Variants in PTPRD observed in about 807,000 individuals in gnomAD.
PTPRD encodes protein tyrosine phosphatase receptor type D.
In PTPRD, 34 loss-of-function variants were observed where a neutral mutation model predicts 214.5. The ratio of observed to expected loss-of-function variants is 0.16; its 90% CI spans 0.12 to 0.21. PTPRD has a LOEUF of 0.21. Ranked by LOEUF, PTPRD falls within the 10% of genes least tolerant of loss-of-function variation. The pLI, the probability that PTPRD is intolerant of heterozygous loss-of-function variation, is 1.00. For synonymous variants in PTPRD, 1,128 were observed against 845.7 expected (o/e 1.33, Z -5.79); for missense variants, 2,545 against 2,398.7 (o/e 1.06, Z -1.27).
At chr9:9,754,514 C>A (rs1020976302) in intron 6 of PTPRD, among the ~76,000 whole-genome samples, 2 of 151,938 alleles carry the variant, frequency 1.3e-5, no homozygotes, top group Non-Finnish European at 2.9e-5. Flanking sequence ...GACGGCTTCA[C>A]AAGAATATTT....
intron 9 of PTPRD, among the ~76,000 whole-genome samples, chr9:9,372,797 G>T (rs1028095501): frequency 6.6e-6 from 1 of 151,876 alleles, no homozygotes; most frequent in Non-Finnish European, 1.5e-5. Flanking sequence ...AGCTCTTTTT[G>T]GGCAGGCCTG....
intron 5 of PTPRD, among the ~76,000 whole-genome samples, chr9:9,931,307 T>G (rs527970863): frequency 2.6e-5 from 4 of 152,192 alleles, no homozygotes; most frequent in Non-Finnish European, 5.9e-5. Context: ...CATTTCCATC[T>G]GAGGTACAGG....
At chr9:9,526,701 T>A in intron 8 of PTPRD, among the ~76,000 whole-genome samples, 1 of 152,124 alleles carries the variant, frequency 6.6e-6, no homozygotes, top group Non-Finnish European at 1.5e-5. Flanking sequence ...AATATGCTTC[T>A]AAGAAAGATA....
At chr9:9,740,541 TTAG>T (rs1271144228) in intron 6 of PTPRD, among the ~76,000 whole-genome samples, 1 of 152,148 alleles carries the variant, frequency 6.6e-6, no homozygotes, top group East Asian at 1.9e-4. Flanking sequence ...TTGTGTATTT[TTAG>T]TAGAGACGGG....
chr9:8,320,295 C>G (rs765513660), intron 44 of PTPRD, among the ~76,000 whole-genome samples: 1 of 152,162 alleles, frequency 6.6e-6, no homozygotes, highest in East Asian at 1.9e-4. Flanking sequence ...CATGGAGATT[C>G]TGAAATTTAC....
chr9:9,378,161 A>G lies in PTPRD; in HGVS notation c.-203+19288T>C, dbSNP rs566564099. ...TGGATGTATATTACAGAGTAGTTTC[A>G]CCACCCCAAAATCCTCTATGCCCCA... On this transcript the variant is annotated intron_variant, in intron 9 of 45. Transcript: ENST00000381196. 1.5e-3 allele frequency among the ~76,000 whole-genome samples: 231 copies of G among 152,162 alleles called. 1 individual carries two copies. The highest frequency in any genetic ancestry group is 5.2e-3 in the African/African-American group (214 of 41,534).
intron 10 of PTPRD, among the ~76,000 whole-genome samples, chr9:9,044,831 G>A (rs72694907): frequency 0.08 from 12,183 of 152,006 alleles, 595 homozygotes; most frequent in Non-Finnish European, 0.11. Flanking sequence ...AGGTATTTTT[G>A]AGCCTTGAGA....
At chr9:8,927,579 T>C (rs1449961847) in intron 11 of PTPRD, among the ~76,000 whole-genome samples, 1 of 152,188 alleles carries the variant, frequency 6.6e-6, no homozygotes, top group Non-Finnish European at 1.5e-5. Flanking sequence ...GGTGTATATA[T>C]GCCACATTTT....
intron 8 of PTPRD, among the ~76,000 whole-genome samples, chr9:9,420,676 C>A (rs1292408073): frequency 6.6e-6 from 1 of 151,782 alleles, no homozygotes; most frequent in East Asian, 1.9e-4. Flanking sequence ...TGACACTGAG[C>A]AAATAAAGTA....
intron 2 of PTPRD, among the ~76,000 whole-genome samples, chr9:10,548,278 T>C (rs1451604761): frequency 1.3e-5 from 2 of 152,178 alleles, no homozygotes; most frequent in Non-Finnish European, 2.9e-5. Flanking sequence ...TCTCTATATA[T>C]AAGTTGTTGC....
intron 4 of PTPRD, among the ~76,000 whole-genome samples, chr9:9,947,274 T>C (rs2092693319): frequency 8.6e-6 from 1 of 116,674 alleles, no homozygotes; most frequent in Admixed American, 1.3e-4. Flanking sequence ...TAGTTATACT[T>C]AACATGTGCT....
At chr9:9,987,104 G>A (rs1207391603) in intron 4 of PTPRD, among the ~76,000 whole-genome samples, 1 of 152,056 alleles carries the variant, frequency 6.6e-6, no homozygotes, top group Non-Finnish European at 1.5e-5. Flanking sequence ...CAATAATCAA[G>A]CAGAGATTAG....
chr9:10,340,486 T>C (rs1031074605), intron 3 of PTPRD, among the ~76,000 whole-genome samples: 2 of 151,900 alleles, frequency 1.3e-5, no homozygotes, highest in African/African-American at 2.4e-5. Flanking sequence ...TTGGTTTAAG[T>C]ACAAAATTGT....
intron 2 of PTPRD, among the ~76,000 whole-genome samples, chr9:10,515,244 C>T (rs10756048): frequency 0.33 from 49,335 of 151,654 alleles, 8,302 homozygotes; most frequent in Non-Finnish European, 0.37. Context: ...TCTTCTCAGA[C>T]ACCAATTCTC....
At chr9:8,998,886 G>C (rs1156921311) in intron 11 of PTPRD, among the ~76,000 whole-genome samples, 1 of 152,028 alleles carries the variant, frequency 6.6e-6, no homozygotes, top group Non-Finnish European at 1.5e-5. Flanking sequence ...ACTTTGAGAG[G>C]TTCAAGACTT....
chr9:10,246,116 T>G (rs1265474931), intron 3 of PTPRD, among the ~76,000 whole-genome samples: 6 of 152,166 alleles, frequency 3.9e-5, no homozygotes, highest in Admixed American at 3.9e-4. Flanking sequence ...GTTAAAAGAA[T>G]AATCCAACTC....
At chr9:10,523,336 G>A (rs986533838) in intron 2 of PTPRD, among the ~76,000 whole-genome samples, 2 of 151,638 alleles carry the variant, frequency 1.3e-5, no homozygotes, top group African/African-American at 4.8e-5. Context: ...TAGAAGGCGT[G>A]TGTATTTCCT....
At chr9:8,425,143 T>C (rs1251528721) in intron 35 of PTPRD, among the ~76,000 whole-genome samples, 1 of 152,170 alleles carries the variant, frequency 6.6e-6, no homozygotes, top group Non-Finnish European at 1.5e-5. Flanking sequence ...TACAATTAAA[T>C]ACATAAATAA....
chr9:9,351,266 C>T (rs2051006611), intron 9 of PTPRD, among the ~76,000 whole-genome samples: 1 of 151,864 alleles, frequency 6.6e-6, no homozygotes, highest in Non-Finnish European at 1.5e-5. Flanking sequence ...GGAAAGAGAA[C>T]ATAAAAAGAG....
Sources: gnomAD v4.1 joint callset for allele counts (sites outside exome capture counted in the v4.1 genomes callset) on GRCh38, gnomAD v4.1.1 for gene constraint, MANE v1.5 for transcripts, NCBI Gene and HGNC (gene_info 2026-07-23, HGNC 2026-07-21) for gene names.